The following INTS14 variants were observed in gnomAD, a reference collection of about 807,000 sequenced individuals.
The protein encoded by INTS14 is integrator complex subunit 14.
A neutral mutation model predicts 56.9 loss-of-function variants in INTS14; 27 were observed. The observed-to-expected ratio is 0.47, with a 90% confidence interval of 0.35 to 0.65. The LOEUF (loss-of-function observed/expected upper bound fraction) is 0.65. Among genes scored for constraint, INTS14 ranks in the 30% least tolerant of loss-of-function variants. INTS14 has a pLI of 0.00. For missense variants in INTS14, 517 were observed against 632.2 expected (o/e 0.82, Z 1.95); for synonymous variants, 207 against 236.2 (o/e 0.88, Z 1.13).
intron 11 of INTS14, among the ~76,000 whole-genome samples, chr15:65,581,524 G>A (rs1394010075): frequency 7.4e-6 from 1 of 135,264 alleles, no homozygotes; most frequent in Admixed American, 7.7e-5. Flanking sequence ...CTCCAGCCTG[G>A]GCAACAGAGT....
At chr15:65,604,487 T>C (rs2073567870) in intron 3 of INTS14, among the ~76,000 whole-genome samples, 1 of 152,088 alleles carries the variant, frequency 6.6e-6, no homozygotes, top group Non-Finnish European at 1.5e-5. Flanking sequence ...TCCCAACACT[T>C]TGGGAGACGA....
intron 5 of INTS14, 154 bp from the exon 6 acceptor site, chr15:65,598,617 G>A: frequency 1.1e-6 from 1 of 910,070 alleles, no homozygotes; most frequent in Non-Finnish European, 1.6e-6. Context: ...TTTTGGTGAG[G>A]AAATTTCAAT....
At chr15:65,586,415 T>C (rs933032045) in intron 9 of INTS14, 1 of 152,206 alleles carries the variant, frequency 6.6e-6, no homozygotes, top group Non-Finnish European at 1.5e-5. Flanking sequence ...TCCTTACTTA[T>C]CCAAACTTAC....
At chr15:65,601,635 C>T (rs2073438938) in intron 3 of INTS14, among the ~76,000 whole-genome samples, 1 of 152,154 alleles carries the variant, frequency 6.6e-6, no homozygotes, top group South Asian at 2.1e-4. Context: ...GCCACCGCGC[C>T]CGGCCCTTAA....
chr15:65,599,873 G>A lies in INTS14; in HGVS notation c.387C>T (p.Ser129=), dbSNP rs2073361490. 6.2e-7 allele frequency: 1 copy of A among 1,614,002 alleles called. No individual in the cohort carries two copies. The highest frequency in any genetic ancestry group is 1.7e-5 in the Admixed American group (1 of 60,000). The change falls in exon 4 of 12, where the codon TCC becomes TCT. Residue 129 remains serine (S), a synonymous_variant. Coordinates refer to ENST00000313182, the MANE Select transcript of INTS14 (RefSeq NM_001394796.1). Reference sequence around the variant, plus strand: ...CACTTCGTTGATTTTGAGTGGCTAGGGAATGTCGCAGTGACCCTCTACCAA... The same window carrying A: ...CACTTCGTTGATTTTGAGTGGCTAGAGAATGTCGCAGTGACCCTCTACCAA... ...LGIGRGSLRH[S]LATQNQRSES...
chr15:65,609,169 G>T (rs975966427), intron 1 of INTS14, among the ~76,000 whole-genome samples: 12 of 152,128 alleles, frequency 7.9e-5, no homozygotes, highest in African/African-American at 2.7e-4. Flanking sequence ...TGGCCAGGCT[G>T]GTCTCGAACT....
Position 65,591,674 on chromosome 15 carries a change from G to T in INTS14, c.1044C>A (p.Leu348=). 6.2e-7 allele frequency: 1 copy of T among 1,614,158 alleles called. No homozygotes were observed. The highest frequency in any genetic ancestry group is 8.5e-7 in the Non-Finnish European group (1 of 1,180,010). The stretch of plus-strand genomic sequence containing the variant: ...GGCCAGGCTCAAAGAGAGACATCAT[G>T]AGGTTTGATTTCTTCTTGCTGTCAG... ...SQADSKKKSN[L]MMSLFEPGPE... is the part of the protein sequence containing the mutation. Residue 348 remains leucine, a synonymous_variant, in exon 9 of 12, where the codon CTC becomes CTA. Transcript: ENST00000313182.
chr15:65,581,852 A>G, intron 11 of INTS14, 102 bp downstream of exon 11: 1 of 1,172,122 alleles, frequency 8.5e-7, no homozygotes. Context: ...ACTGAGGCAC[A>G]AGTCATACAT....
At chr15:65,599,478 A>G in intron 4 of INTS14, 1 of 226,980 alleles carries the variant, frequency 4.4e-6, no homozygotes, top group African/African-American at 2.3e-5. Flanking sequence ...TGGAATGGAC[A>G]TAAGAATTCT....
intron 1 of INTS14, chr15:65,610,595 C>G: frequency 7.1e-7 from 1 of 1,412,980 alleles, no homozygotes; most frequent in South Asian, 1.2e-5. Context: ...TAATTCTTCC[C>G]TGAAGGTGAT....
intron 11 of INTS14, 129 bp downstream of exon 11, chr15:65,581,825 T>C: frequency 1.1e-6 from 1 of 888,218 alleles, no homozygotes; most frequent in Non-Finnish European, 1.8e-6. Flanking sequence ...TCACTTTTAC[T>C]GAGTTTATTT....
chr15:65,604,076 AAC>A (rs2073546757), intron 3 of INTS14, among the ~76,000 whole-genome samples: 1 of 152,190 alleles, frequency 6.6e-6, no homozygotes, highest in Non-Finnish European at 1.5e-5. Context: ...AGTAAAGAGC[AAC>A]AGACTTTATG....
intron 9 of INTS14, 49 bp downstream of exon 9, chr15:65,591,549 G>A: frequency 6.3e-7 from 1 of 1,596,050 alleles, no homozygotes; most frequent in South Asian, 1.1e-5. Context: ...ATTGAGAACA[G>A]CAGAATGAAA....
intron 2 of INTS14, among the ~76,000 whole-genome samples, chr15:65,605,817 G>A (rs1473909235): frequency 6.6e-6 from 1 of 152,112 alleles, no homozygotes; most frequent in African/African-American, 2.4e-5. Context: ...CAGAACTGCA[G>A]AACATCAGAA....
intron 11 of INTS14, 100 bp from the exon 12 acceptor site, chr15:65,579,759 A>G (rs912816854): frequency 2.1e-6 from 3 of 1,460,682 alleles, no homozygotes; most frequent in Non-Finnish European, 2.7e-6. Context: ...ACTGAACTTT[A>G]GGGAGCAATT....
At chr15:65,599,955 G>A in intron 3 of INTS14, 26 bp from the exon 4 acceptor site, 1 of 1,600,842 alleles carries the variant, frequency 6.2e-7, no homozygotes, top group South Asian at 1.1e-5. Context: ...GAGAGAGGAG[G>A]TTGTACATTA....
intron 7 of INTS14, among the ~76,000 whole-genome samples, chr15:65,593,864 T>C (rs1430206847): frequency 6.6e-6 from 1 of 151,928 alleles, no homozygotes; most frequent in African/African-American, 2.4e-5. Context: ...GGTCTGGGAG[T>C]TGATAGTTAA....
intron 9 of INTS14, chr15:65,586,642 C>T (rs1240629375): frequency 6.6e-6 from 1 of 151,880 alleles, no homozygotes; most frequent in African/African-American, 2.4e-5. Context: ...GGAAATATTA[C>T]ATTTATGAAA....
Position 65,582,043 on chromosome 15 carries a change from C to T in INTS14, c.1240-24G>A, listed in dbSNP as rs532153145. On this transcript the variant is annotated intron_variant, in intron 10 of 11. Transcript: ENST00000313182. The stretch of plus-strand genomic sequence containing the variant: ...GTCTATTAAGGGTAAAAAAAAAAAT[C>T]CAACATTAGAATTCTGTGGTAAAAA... 1.0e-5 allele frequency: 15 copies of T among 1,457,770 alleles called. No homozygotes were observed. In the African/African-American group the frequency reaches 2.0e-4, roughly 19 times the overall value. The allele number at this position is 1,457,770 out of a possible 1,614,324, so 90.3% of individuals were successfully genotyped here.
Sources: gnomAD v4.1 joint callset for allele counts (sites outside exome capture counted in the v4.1 genomes callset) on GRCh38, gnomAD v4.1.1 for gene constraint, MANE v1.5 for transcripts, NCBI Gene and HGNC (gene_info 2026-07-23, HGNC 2026-07-21) for gene names.